KCNAB1: variants seen among roughly 807,000 people sequenced by gnomAD.
The protein encoded by KCNAB1 is potassium voltage-gated channel subfamily A regulatory beta subunit 1.
KCNAB1 carries 35 observed loss-of-function variants against 64.6 expected under a neutral mutation model. The ratio of observed to expected loss-of-function variants is 0.54; its 90% CI spans 0.41 to 0.72. KCNAB1 has a LOEUF of 0.72. KCNAB1 is among the 30% of genes least tolerant of loss of function. The pLI, the probability that KCNAB1 is intolerant of heterozygous loss-of-function variation, is 0.00. For synonymous variants in KCNAB1, 177 were observed against 183.8 expected, an observed-to-expected ratio of 0.96 and a Z score of 0.30; for missense variants, 401 against 512.9, an observed-to-expected ratio of 0.78 and a Z score of 2.11.
chr3:156,222,588 A>G (rs1350412835), intron 1 of KCNAB1, among the ~76,000 whole-genome samples: 1 of 152,220 alleles, frequency 6.6e-6, no homozygotes, highest in African/African-American at 2.4e-5. Context: ...CTCAACAGAT[A>G]TATTTATAGA....
chr3:156,509,591 C>T lies in KCNAB1; in HGVS notation c.659-4773C>T, dbSNP rs551761045. ...GCCTGGGCCTGGATAGTTTGTAAAG[C>T]CCCCACTCCAGGTGTTTCTAATATG... is the stretch of plus-strand genomic sequence containing the variant. On this transcript the variant is annotated intron_variant, in intron 8 of 13. Transcript: ENST00000490337. 2.6e-5 allele frequency among the ~76,000 whole-genome samples: 4 copies of T among 152,272 alleles called. No homozygotes were observed. The East Asian group carries it at 7.7e-4, about 29-fold the overall frequency.
intron 1 of KCNAB1, among the ~76,000 whole-genome samples, chr3:156,158,082 G>A (rs933580727): frequency 1.3e-5 from 2 of 150,956 alleles, no homozygotes; most frequent in African/African-American, 2.4e-5. Flanking sequence ...GGAGAATGGC[G>A]TGAACCCGGG....
intron 1 of KCNAB1, among the ~76,000 whole-genome samples, chr3:156,342,210 C>G (rs148970100): frequency 0.011 from 1,687 of 152,306 alleles, 37 homozygotes; most frequent in African/African-American, 0.039. Context: ...CTTTTTTCCT[C>G]TACGCCACCT....
At chr3:156,500,932 C>G (rs556648586) in intron 8 of KCNAB1, among the ~76,000 whole-genome samples, 2 of 152,308 alleles carry the variant, frequency 1.3e-5, no homozygotes, top group Admixed American at 1.3e-4. Context: ...GCTTCACTGA[C>G]TACATATCAA....
chr3:156,336,135 G>A (rs543912227), intron 1 of KCNAB1, among the ~76,000 whole-genome samples: 7 of 152,226 alleles, frequency 4.6e-5, no homozygotes, highest in East Asian at 3.9e-4. Context: ...TGAGGTGGGC[G>A]GATCACTTGA....
At chr3:156,449,640 G>A (rs1711844839) in intron 2 of KCNAB1, among the ~76,000 whole-genome samples, 1 of 152,194 alleles carries the variant, frequency 6.6e-6, no homozygotes, top group Non-Finnish European at 1.5e-5. Flanking sequence ...TTTTCATAAA[G>A]TTTGAAGTCT....
intron 1 of KCNAB1, among the ~76,000 whole-genome samples, chr3:156,314,033 C>G (rs1722110654): frequency 1.3e-5 from 2 of 152,194 alleles, no homozygotes; most frequent in Admixed American, 6.5e-5. Flanking sequence ...CCCATTCCAC[C>G]TATTTTCTGC....
At chr3:156,248,819 A>G (rs1717628772) in intron 1 of KCNAB1, among the ~76,000 whole-genome samples, 2 of 152,334 alleles carry the variant, frequency 1.3e-5, no homozygotes, top group South Asian at 4.1e-4. Flanking sequence ...TCCACGTGAT[A>G]TGAGCCCTTT....
At chr3:156,489,127 C>T (rs1379772889) in intron 8 of KCNAB1, among the ~76,000 whole-genome samples, 2 of 152,030 alleles carry the variant, frequency 1.3e-5, no homozygotes, top group African/African-American at 4.8e-5. Flanking sequence ...AGCTGAAACT[C>T]CATCTTGGGA....
At chr3:156,431,474 G>A (rs867814175) in intron 2 of KCNAB1, among the ~76,000 whole-genome samples, 10 of 152,172 alleles carry the variant, frequency 6.6e-5, no homozygotes, top group Admixed American at 1.3e-4. Flanking sequence ...GTATGCCCAG[G>A]TGAGGAGAGC....
chr3:156,420,305 A>G (rs1478828257), intron 1 of KCNAB1, among the ~76,000 whole-genome samples: 3 of 152,232 alleles, frequency 2.0e-5, no homozygotes, highest in Admixed American at 6.5e-5. Flanking sequence ...AAAGGGAGCA[A>G]TTTCTACAAG....
intron 1 of KCNAB1, among the ~76,000 whole-genome samples, chr3:156,324,128 G>C (rs892345165): frequency 1.3e-5 from 2 of 151,958 alleles, no homozygotes; most frequent in African/African-American, 4.8e-5. Flanking sequence ...TGTGCTTTTA[G>C]GGTATGATCA....
At chr3:156,413,660 A>T (rs1428305090) in intron 1 of KCNAB1, among the ~76,000 whole-genome samples, 1 of 152,206 alleles carries the variant, frequency 6.6e-6, no homozygotes, top group Non-Finnish European at 1.5e-5. Context: ...GTCTTCTGGC[A>T]AACCACAGAG....
At chr3:156,208,750 G>A (rs1442924408) in intron 1 of KCNAB1, among the ~76,000 whole-genome samples, 3 of 152,140 alleles carry the variant, frequency 2.0e-5, no homozygotes, top group East Asian at 3.9e-4. Context: ...TGCTTGCCCT[G>A]GTATCACAAT....
At chr3:156,124,104 C>T (rs1713505785) in intron 1 of KCNAB1, among the ~76,000 whole-genome samples, 1 of 151,628 alleles carries the variant, frequency 6.6e-6, no homozygotes, top group Non-Finnish European at 1.5e-5. Context: ...CTTAGCCATT[C>T]TTCTTTTATA....
rs1278643016 is a variant in KCNAB1, at chr3:156,538,097, T to G, written c.*1350T>G. On this transcript the variant is annotated 3_prime_UTR_variant, in exon 14 of 14. Coordinates refer to ENST00000490337, the MANE Select transcript of KCNAB1 (RefSeq NM_172160.3). ...CATTAATATCCCACTTGAGAAAAAT[T>G]GTGAGACTATACTGTGTCAATATCT... 2 of 152,154 alleles carry G rather than the reference T, an allele frequency of 1.3e-5. No homozygotes were observed. The highest frequency in any genetic ancestry group is 4.8e-5 in the African/African-American group (2 of 41,424). The allele number at this position is 152,154 out of a possible 1,614,324, so 9.4% of individuals were successfully genotyped here. A position where few individuals can be genotyped will look rare whatever the true frequency, so the allele number is the denominator to read the frequency against.
intron 1 of KCNAB1, among the ~76,000 whole-genome samples, chr3:156,137,707 G>A (rs1247263564): frequency 2.5e-5 from 3 of 119,314 alleles, no homozygotes; most frequent in African/African-American, 6.1e-5. Flanking sequence ...TACCACGTCT[G>A]GCTAATTTTT....
intron 1 of KCNAB1, among the ~76,000 whole-genome samples, chr3:156,288,664 A>C (rs576572668): frequency 6.6e-6 from 1 of 152,288 alleles, no homozygotes; most frequent in South Asian, 2.1e-4. Context: ...ATCAGATCTG[A>C]AAAGGTGCAC....
intron 1 of KCNAB1, among the ~76,000 whole-genome samples, chr3:156,238,238 C>T (rs1265812649): frequency 2.6e-5 from 4 of 151,914 alleles, no homozygotes; most frequent in Admixed American, 6.6e-5. Context: ...CTGGCAAACA[C>T]GGTGAAACCC....
Sources: gnomAD v4.1 joint callset for allele counts (sites outside exome capture counted in the v4.1 genomes callset) on GRCh38, gnomAD v4.1.1 for gene constraint, MANE v1.5 for transcripts, NCBI Gene and HGNC (gene_info 2026-07-23, HGNC 2026-07-21) for gene names.